The following SNW1 variants were observed in gnomAD, a reference collection of about 807,000 sequenced individuals.
SNW1 encodes the protein SNW domain-containing protein 1.
SNW1 carries 9 observed loss-of-function variants against 75.6 expected under a neutral mutation model. That is an observed-to-expected ratio of 0.12 (90% CI 0.07 to 0.21). SNW1 has a LOEUF of 0.21. Ranked by LOEUF, SNW1 falls within the 10% of genes least tolerant of loss-of-function variation. SNW1 has a pLI of 1.00. For synonymous variants in SNW1, 200 were observed against 219.1 expected, an observed-to-expected ratio of 0.91 and a Z score of 0.77; for missense variants, 409 against 670.9, an observed-to-expected ratio of 0.61 and a Z score of 4.31.
intron 2 of SNW1, among the ~76,000 whole-genome samples, chr14:77,752,854 G>A (rs1245876680): frequency 1.3e-5 from 2 of 152,158 alleles, no homozygotes; most frequent in Non-Finnish European, 2.9e-5. Flanking sequence ...TTGCTAAAGA[G>A]ATGTTTGAAG....
At chr14:77,747,580 G>T (rs2080771353) in intron 3 of SNW1, among the ~76,000 whole-genome samples, 1 of 152,070 alleles carries the variant, frequency 6.6e-6, no homozygotes, top group Non-Finnish European at 1.5e-5. Context: ...CCCTGTCTGG[G>T]AGGTGAGGAG....
chr14:77,722,860 T>TTTTTTG (rs1811530363), intron 11 of SNW1: 2 of 413,082 alleles, frequency 4.8e-6, no homozygotes, highest in Non-Finnish European at 9.3e-6. Context: ...TTTTTTTTTT[T>TTTTTTG]GTGAGATGGA....
chr14:77,738,088 G>T (rs1362215209), intron 5 of SNW1, among the ~76,000 whole-genome samples: 1 of 150,784 alleles, frequency 6.6e-6, no homozygotes, highest in Non-Finnish European at 1.5e-5. Flanking sequence ...TGGATCATTT[G>T]AGTTCAGGAG....
chr14:77,732,836 C>G lies in SNW1; in HGVS notation c.775-235G>C, dbSNP rs529289987. On this transcript the variant is annotated intron_variant, in intron 8 of 13. Coordinates refer to ENST00000261531, the MANE Select transcript of SNW1 (RefSeq NM_012245.3). ...TGCGCCACACACTCGGCTAGTTTTT[C>G]TATTTTTAGTAGAGACGGAGTTTCA... Among the ~76,000 whole-genome samples the G allele has an allele frequency of 6.6e-5, 10 of 152,196 alleles. No homozygotes were observed. The East Asian group carries it at 1.7e-3, about 27-fold the overall frequency.
At chr14:77,728,808 TC>T (rs1338704211) in intron 10 of SNW1, among the ~76,000 whole-genome samples, 1 of 152,192 alleles carries the variant, frequency 6.6e-6, no homozygotes, top group Non-Finnish European at 1.5e-5. Flanking sequence ...CATAGGGTTA[TC>T]CCAGGGATTA....
At chr14:77,755,532 C>T (rs1365540316) in intron 1 of SNW1, among the ~76,000 whole-genome samples, 1 of 152,100 alleles carries the variant, frequency 6.6e-6, no homozygotes, top group Non-Finnish European at 1.5e-5. Context: ...GATTTTCCTC[C>T]CTCAGCCTCC....
chr14:77,727,588 TA>T (rs1172835921), intron 10 of SNW1, among the ~76,000 whole-genome samples: 11 of 152,336 alleles, frequency 7.2e-5, no homozygotes, highest in African/African-American at 2.6e-4. Context: ...TGAGAGTTTT[TA>T]TCATGAAGGG....
At chr14:77,723,379 T>TTTTAAATTTTTTAAAAAGAGA in intron 10 of SNW1, 102 bp from the exon 11 acceptor site, 2 of 826,596 alleles carry the variant, frequency 2.4e-6, no homozygotes, top group East Asian at 2.6e-5. Flanking sequence ...AGACAGCATC[T>TTTTAAATTTTTTAAAAAGAGA]CACTCTGTCA....
chr14:77,740,251 C>A (rs1252279664), intron 3 of SNW1, among the ~76,000 whole-genome samples: 1 of 149,704 alleles, frequency 6.7e-6, no homozygotes, highest in Non-Finnish European at 1.5e-5. Context: ...GAAAGGACAA[C>A]TTATAAATAT....
At chr14:77,757,458 C>G in intron 1 of SNW1, among the ~76,000 whole-genome samples, 1 of 152,188 alleles carries the variant, frequency 6.6e-6, no homozygotes, top group East Asian at 1.9e-4. Flanking sequence ...GTATCTACTT[C>G]ATAAGGTTCT....
chr14:77,743,006 A>G (rs1281355314), intron 3 of SNW1, among the ~76,000 whole-genome samples: 1 of 151,904 alleles, frequency 6.6e-6, no homozygotes, highest in Non-Finnish European at 1.5e-5. Flanking sequence ...TGGGTGGATC[A>G]CCTGAGGTTG....
rs568241139 is a variant in SNW1, at chr14:77,742,759, T to G, written c.331-3698A>C. Among the ~76,000 whole-genome samples, 8 of 151,918 alleles carry G rather than the reference T, an allele frequency of 5.3e-5. No homozygotes were observed. The East Asian group carries it at 1.6e-3, about 30-fold the overall frequency. On this transcript the variant is annotated intron_variant, in intron 3 of 13. Transcript: ENST00000261531. ...TTTCGTTTCTTTAAGAGATAGGGTT[T>G]CATTATATTGCCCAGGCTAGTCTCA...
chr14:77,726,655 AT>A (rs2080587738), intron 10 of SNW1, among the ~76,000 whole-genome samples: 1 of 152,122 alleles, frequency 6.6e-6, no homozygotes, highest in Non-Finnish European at 1.5e-5. Context: ...TCTCCTAAAA[AT>A]AAAAAAAATT....
intron 6 of SNW1, 24 bp from the exon 7 acceptor site, chr14:77,736,030 A>G: frequency 1.3e-6 from 2 of 1,553,528 alleles, no homozygotes; most frequent in Non-Finnish European, 1.8e-6. Context: ...ACACAACCAG[A>G]GAGTGATATA....
intron 2 of SNW1, among the ~76,000 whole-genome samples, chr14:77,752,821 G>C (rs2080818841): frequency 6.6e-6 from 1 of 152,168 alleles, no homozygotes; most frequent in Non-Finnish European, 1.5e-5. Flanking sequence ...AGATATATGA[G>C]TTCCTAAGTA....
chr14:77,753,751 A>AAACT (rs2080824424), intron 2 of SNW1, among the ~76,000 whole-genome samples: 2 of 152,072 alleles, frequency 1.3e-5, no homozygotes, highest in South Asian at 4.1e-4. Context: ...CAGGAGTTCA[A>AAACT]GACCAGCCTA....
At chr14:77,758,055 C>G (rs532404945) in intron 1 of SNW1, among the ~76,000 whole-genome samples, 1 of 151,698 alleles carries the variant, frequency 6.6e-6, no homozygotes. Context: ...TCCGGCTGGG[C>G]GAGGTGGCTC....
chr14:77,746,399 ACTT>A (rs561300799), intron 3 of SNW1, among the ~76,000 whole-genome samples: 56 of 152,330 alleles, frequency 3.7e-4, no homozygotes, highest in African/African-American at 1.2e-3. Context: ...AGGGGAATAT[ACTT>A]GAGAAGTGTT....
intron 10 of SNW1, among the ~76,000 whole-genome samples, chr14:77,724,715 T>C (rs1049204687): frequency 6.6e-6 from 1 of 152,234 alleles, no homozygotes; most frequent in Non-Finnish European, 1.5e-5. Context: ...AATATCCCAT[T>C]GTGTATATAG....
Sources: allele counts gnomAD v4.1 joint callset (sites outside exome capture counted in the v4.1 genomes callset), GRCh38; gene constraint gnomAD v4.1.1; transcripts MANE v1.5; gene names NCBI Gene and HGNC (gene_info 2026-07-23, HGNC 2026-07-21).